PDE7B: variants seen among roughly 807,000 people sequenced by gnomAD.
PDE7B encodes phosphodiesterase 7B.
In PDE7B, 29 loss-of-function variants were observed where a neutral mutation model predicts 56.2. The ratio of observed to expected loss-of-function variants is 0.52; its 90% CI spans 0.38 to 0.70. The LOEUF (loss-of-function observed/expected upper bound fraction) is 0.70. PDE7B is among the 30% of genes least tolerant of loss of function. The probability of loss-of-function intolerance (pLI) is 0.00; values close to 1 mark genes in which losing one functional copy is unlikely to be tolerated. For synonymous variants in PDE7B, 197 were observed against 196.9 expected, an observed-to-expected ratio of 1.00 and a Z score of 0.00; for missense variants, 490 against 565.0, an observed-to-expected ratio of 0.87 and a Z score of 1.35.
chr6:135,939,650 C>T (rs997024032), intron 1 of PDE7B, among the ~76,000 whole-genome samples: 2 of 152,178 alleles, frequency 1.3e-5, no homozygotes, highest in African/African-American at 4.8e-5. Flanking sequence ...CCCTGGGCCA[C>T]TGTCACGTAG....
intron 2 of PDE7B, among the ~76,000 whole-genome samples, chr6:136,010,925 A>G (rs895271689): frequency 6.6e-6 from 1 of 152,162 alleles, no homozygotes; most frequent in Non-Finnish European, 1.5e-5. Context: ...GAATTACTGC[A>G]AGGGAGGTTC....
chr6:135,986,730 T>G (rs1354174857), intron 2 of PDE7B, among the ~76,000 whole-genome samples: 1 of 152,248 alleles, frequency 6.6e-6, no homozygotes, highest in Non-Finnish European at 1.5e-5. Flanking sequence ...TAGTGTTACT[T>G]TCTTCAACAA....
intron 2 of PDE7B, among the ~76,000 whole-genome samples, chr6:136,053,655 G>A (rs936985378): frequency 4.6e-5 from 7 of 152,124 alleles, no homozygotes; most frequent in Non-Finnish European, 1.0e-4. Flanking sequence ...CAATGGTTAA[G>A]CTAGTTTACA....
intron 1 of PDE7B, among the ~76,000 whole-genome samples, chr6:135,881,543 G>C (rs929517417): frequency 6.6e-6 from 1 of 152,044 alleles, no homozygotes; most frequent in Non-Finnish European, 1.5e-5. Flanking sequence ...GTTGGAGTCT[G>C]CATGCTAATA....
At chr6:136,022,885 T>C (rs981887338) in intron 2 of PDE7B, among the ~76,000 whole-genome samples, 1 of 152,062 alleles carries the variant, frequency 6.6e-6, no homozygotes, top group Admixed American at 6.5e-5. Flanking sequence ...CAGGAAGCAC[T>C]GGCTGAGAGG....
chr6:136,192,931 G>A lies in PDE7B; in HGVS notation c.*1091G>A, dbSNP rs1018967089. The stretch of plus-strand genomic sequence containing the variant: ...AGGTCACAAACCAAAACTGAATAAA[G>A]TCTTTGAGGAAACATTTTGGAAACT... On this transcript the variant is annotated 3_prime_UTR_variant, in exon 13 of 13. Transcript: ENST00000308191. The A allele has an allele frequency of 3.9e-5, 6 of 152,216 alleles. No individual in the cohort carries two copies. The highest frequency in any genetic ancestry group is 1.2e-4 in the African/African-American group (5 of 41,444). The allele number at this position is 152,216 out of a possible 1,614,324, so 9.4% of individuals were successfully genotyped here. A position where few individuals can be genotyped will look rare whatever the true frequency, so the allele number is the denominator to read the frequency against.
chr6:136,046,483 C>G lies in PDE7B; in HGVS notation c.83-62248C>G, dbSNP rs79535269. On this transcript the variant is annotated intron_variant, in intron 2 of 12. Transcript: ENST00000308191. The stretch of plus-strand genomic sequence containing the variant: ...ATACCTTGCCACTCTTTGCTCCTCT[C>G]CAAGTTGGCATCTGGGTGAATATGT... The G allele has an allele frequency of 2.6e-3, 397 of 152,342 alleles. 1 individual carries two copies. The highest frequency in any genetic ancestry group is 6.8e-3 in the Middle Eastern group (2 of 296). The allele number at this position is 152,342 out of a possible 1,614,324, so 9.4% of individuals were successfully genotyped here. A position where few individuals can be genotyped will look rare whatever the true frequency, so the allele number is the denominator to read the frequency against.
At chr6:135,853,691 G>A (rs1217937364) in intron 1 of PDE7B, among the ~76,000 whole-genome samples, 2 of 152,130 alleles carry the variant, frequency 1.3e-5, no homozygotes, top group Non-Finnish European at 2.9e-5. Context: ...GACAAAATCA[G>A]TGGTGACTAT....
chr6:136,174,590 T>C (rs1352104723), intron 9 of PDE7B, among the ~76,000 whole-genome samples: 1 of 152,154 alleles, frequency 6.6e-6, no homozygotes, highest in African/African-American at 2.4e-5. Flanking sequence ...AATGAACACG[T>C]GCAGAACCCA....
chr6:135,908,493 A>G (rs9483890), intron 1 of PDE7B, among the ~76,000 whole-genome samples: 39,201 of 151,972 alleles, frequency 0.26, 6,311 homozygotes, highest in African/African-American at 0.45. Flanking sequence ...ATATTTACCT[A>G]AAGAAACATT....
chr6:135,911,357 C>A (rs1465218860), intron 1 of PDE7B, among the ~76,000 whole-genome samples: 2 of 152,144 alleles, frequency 1.3e-5, no homozygotes, highest in Non-Finnish European at 2.9e-5. Context: ...CCTTGGCCAC[C>A]ACACATCATA....
chr6:135,859,640 T>C (rs776314047), intron 1 of PDE7B, among the ~76,000 whole-genome samples: 20 of 152,082 alleles, frequency 1.3e-4, no homozygotes, highest in Non-Finnish European at 2.2e-4. Context: ...TGTTCTCTTT[T>C]TCATTGAATA....
In PDE7B at chr6:136,070,312, G is replaced by T. The variant is rs1777025978; in HGVS notation, c.83-38419G>T. The T allele has an allele frequency of 2.0e-5, 3 of 152,070 alleles. No individual in the cohort carries two copies. The South Asian group carries it at 6.2e-4, about 32-fold the overall frequency. The allele number at this position is 152,070 out of a possible 1,614,324, so 9.4% of individuals were successfully genotyped here. ...ACAGGAGAGGAAATCCAATATATTT[G>T]AATTCTTTTGGGTTAGAATCTGTCA... On this transcript the variant is annotated intron_variant, in intron 2 of 12. Coordinates refer to ENST00000308191, the MANE Select transcript of PDE7B (RefSeq NM_018945.4).
chr6:136,086,900 A>G (rs563656979), intron 2 of PDE7B, among the ~76,000 whole-genome samples: 12 of 152,346 alleles, frequency 7.9e-5, no homozygotes, highest in African/African-American at 2.9e-4. Flanking sequence ...TGTTATTCCC[A>G]TTGGCACCAG....
At position 135,939,991 on chromosome 6, in the gene PDE7B, C is replaced by T. The variant is rs138140221; in HGVS notation, c.22-7473C>T. On this transcript the variant is annotated intron_variant, in intron 1 of 12. Transcript: ENST00000308191. ...TACAATGCTAGAGTAATTCATTAAG[C>T]ATCCTGGTTCTTCGAAAGCAAACCA... is the stretch of plus-strand genomic sequence containing the variant. Among the ~76,000 whole-genome samples the T allele has an allele frequency of 9.9e-3, 1,508 of 152,254 alleles. 17 individuals carry two copies. Among genetic ancestry groups the T allele is most frequent in the Middle Eastern group, 0.037 (11 of 294 alleles).
chr6:136,094,512 C>T (rs1217334824), intron 2 of PDE7B: 2 of 152,438 alleles, frequency 1.3e-5, no homozygotes, highest in Non-Finnish European at 2.9e-5. Flanking sequence ...GTCTTTGCTC[C>T]ATGTCACCTC....
At chr6:136,149,344 C>T (rs1350554021) in intron 5 of PDE7B, among the ~76,000 whole-genome samples, 194 bp downstream of exon 5, 1 of 152,122 alleles carries the variant, frequency 6.6e-6, no homozygotes, top group Non-Finnish European at 1.5e-5. Flanking sequence ...TGAATTTGAC[C>T]TTAGAATCTT....
chr6:135,933,786 T>C (rs150176053), intron 1 of PDE7B, among the ~76,000 whole-genome samples: 231 of 152,292 alleles, frequency 1.5e-3, no homozygotes, highest in African/African-American at 5.1e-3. Flanking sequence ...TGAAGTATGA[T>C]CTTCAAGATT....
At chr6:135,946,426 G>C (rs1774596726) in intron 1 of PDE7B, among the ~76,000 whole-genome samples, 1 of 151,982 alleles carries the variant, frequency 6.6e-6, no homozygotes, top group Non-Finnish European at 1.5e-5. Context: ...AAATCTAGAA[G>C]ACAACTTGCT....
Sources: gnomAD v4.1 joint callset for allele counts (sites outside exome capture counted in the v4.1 genomes callset) on GRCh38, gnomAD v4.1.1 for gene constraint, MANE v1.5 for transcripts, NCBI Gene and HGNC (gene_info 2026-07-23, HGNC 2026-07-21) for gene names.